TBCK: variants seen among roughly 807,000 people sequenced by gnomAD.
TBCK encodes the protein TBC domain-containing protein kinase-like protein.
Under a neutral mutation model 113.4 loss-of-function variants are expected in TBCK, and 99 were observed. That is an observed-to-expected ratio of 0.87 (90% CI 0.74 to 1.03). The LOEUF is 1.03. Among genes scored for constraint, TBCK ranks in the 50% least tolerant of loss-of-function variants. The pLI is 0.00. For missense variants in TBCK, 1,045 were observed against 1,061.3 expected (o/e 0.98, Z 0.21); for synonymous variants, 369 against 370.8 (o/e 1.00, Z 0.05).
chr4:106,227,396 C>G (rs1758359037), intron 19 of TBCK, among the ~76,000 whole-genome samples: 1 of 151,812 alleles, frequency 6.6e-6, no homozygotes, highest in Admixed American at 6.6e-5. Context: ...TATCCATATT[C>G]TGTTCCTCCT....
At chr4:106,110,733 T>C (rs1742747410) in intron 24 of TBCK, among the ~76,000 whole-genome samples, 1 of 152,112 alleles carries the variant, frequency 6.6e-6, no homozygotes, top group Admixed American at 6.5e-5. Context: ...GGTCCTACTC[T>C]ACACAGAAGA....
In TBCK at chr4:106,311,200, T is replaced by TACACACAC. The variant is rs36011277; in HGVS notation, c.-29-2219_-29-2212dup. ...GCTATTATATTCCTACAGAAACTCC[T>TACACACAC]ACACACACACACACACACACACACA... On this transcript the variant is annotated intron_variant, in intron 1 of 25. Transcript: ENST00000394708. Among the ~76,000 whole-genome samples, 76 of 138,288 alleles carry TACACACAC rather than the reference T, an allele frequency of 5.5e-4. 1 individual carries two copies. Among genetic ancestry groups the TACACACAC allele is most frequent in the Non-Finnish European group, 6.6e-4 (42 of 63,520 alleles). The allele number at this position is 138,288 out of a possible 152,430, so 90.7% of individuals were successfully genotyped here.
intron 23 of TBCK, among the ~76,000 whole-genome samples, chr4:106,117,043 G>A (rs1057445841): frequency 5.3e-5 from 8 of 151,998 alleles, no homozygotes; most frequent in Middle Eastern, 3.4e-3. Context: ...GTGCCAAAAC[G>A]GCTGGGGACC....
At chr4:106,249,004 T>C (rs774261727) in intron 7 of TBCK, 22 bp from the exon 8 acceptor site, 1 of 1,538,788 alleles carries the variant, frequency 6.5e-7, no homozygotes, top group South Asian at 1.2e-5. Context: ...AAAAACTATA[T>C]GAATAAATGC....
chr4:106,097,249 C>T (rs1438356656), intron 24 of TBCK, among the ~76,000 whole-genome samples: 1 of 152,066 alleles, frequency 6.6e-6, no homozygotes, highest in Non-Finnish European at 1.5e-5. Context: ...CAAAATGATT[C>T]CAAACCTTTT....
At chr4:106,210,496 CA>C (rs1199288728) in intron 20 of TBCK, among the ~76,000 whole-genome samples, 2 of 152,112 alleles carry the variant, frequency 1.3e-5, no homozygotes, top group Non-Finnish European at 2.9e-5. Context: ...AGGGTACAAT[CA>C]AATCTCAGAT....
chr4:106,255,904 G>T (rs1030823428), intron 5 of TBCK, among the ~76,000 whole-genome samples: 2 of 152,150 alleles, frequency 1.3e-5, no homozygotes, highest in East Asian at 1.9e-4. Flanking sequence ...CACTGGCAGG[G>T]TGTCCCAAGG....
intron 20 of TBCK, among the ~76,000 whole-genome samples, chr4:106,203,533 T>C (rs1755114853): frequency 6.6e-6 from 1 of 151,820 alleles, no homozygotes; most frequent in Non-Finnish European, 1.5e-5. Context: ...TTACAGGTCA[T>C]GATTTCTCTA....
chr4:106,067,588 T>A (rs1020380855), intron 25 of TBCK, among the ~76,000 whole-genome samples: 1 of 152,170 alleles, frequency 6.6e-6, no homozygotes, highest in Non-Finnish European at 1.5e-5. Context: ...GTTATGAAGA[T>A]TTATCTCCAC....
chr4:106,147,114 C>T (rs55833794), intron 23 of TBCK, among the ~76,000 whole-genome samples: 19,696 of 152,164 alleles, frequency 0.13, 1,611 homozygotes, highest in South Asian at 0.24. Flanking sequence ...TCTATTTCTA[C>T]CACATCTGCA....
chr4:106,207,625 T>C (rs2149869679), intron 20 of TBCK, among the ~76,000 whole-genome samples: 1 of 152,274 alleles, frequency 6.6e-6, no homozygotes, highest in East Asian at 1.9e-4. Context: ...GCCCCTCCCA[T>C]AAGTACTCAC....
chr4:106,114,191 T>C (rs1743217146), intron 24 of TBCK, among the ~76,000 whole-genome samples: 1 of 152,160 alleles, frequency 6.6e-6, no homozygotes, highest in Non-Finnish European at 1.5e-5. Context: ...GGGGGAGATG[T>C]AGGAGATCAG....
intron 25 of TBCK, among the ~76,000 whole-genome samples, chr4:106,092,792 G>A (rs1740452626): frequency 6.6e-6 from 1 of 152,230 alleles, no homozygotes; most frequent in Non-Finnish European, 1.5e-5. Flanking sequence ...CTCCCCGCAG[G>A]CTGAGGGAGC....
chr4:106,256,310 C>T (rs1032377042), intron 5 of TBCK, among the ~76,000 whole-genome samples: 36 of 152,160 alleles, frequency 2.4e-4, no homozygotes, highest in Non-Finnish European at 4.1e-4. Context: ...CCAGGCTATT[C>T]GTGCCACGGA....
At position 106,131,776 on chromosome 4, in the gene TBCK, G is replaced by A. The variant is rs189286306; in HGVS notation, c.2236-15398C>T. ...AGATGGAAAAAGGTGGGAAAGTTTGGAACTTCCTAGAGACTTATGAATGGC... is the reference window on the plus strand; with the variant it reads ...AGATGGAAAAAGGTGGGAAAGTTTGAAACTTCCTAGAGACTTATGAATGGC... On this transcript the variant is annotated intron_variant, in intron 23 of 25. Coordinates refer to ENST00000394708, the MANE Select transcript of TBCK (RefSeq NM_001163435.3). 3.8e-4 allele frequency among the ~76,000 whole-genome samples: 58 copies of A among 152,290 alleles called. No homozygotes were observed. The East Asian group carries it at 8.3e-3, about 22-fold the overall frequency.
In TBCK at chr4:106,206,706, T is replaced by A. The variant is rs751006628; in HGVS notation, c.1860+6044A>T. Among the ~76,000 whole-genome samples the A allele has an allele frequency of 2.0e-5, 3 of 152,188 alleles. No homozygotes were observed. In the South Asian group the frequency reaches 6.2e-4, roughly 31 times the overall value. ...AAAATTTATTTACGTAACAACATAA[T>A]GAAGATAAAGAACAAATGAAGGAAC... On this transcript the variant is annotated intron_variant, in intron 20 of 25. Coordinates refer to ENST00000394708, the MANE Select transcript of TBCK (RefSeq NM_001163435.3).
At chr4:106,235,814 T>C (rs1759395587) in intron 14 of TBCK, among the ~76,000 whole-genome samples, 1 of 152,084 alleles carries the variant, frequency 6.6e-6, no homozygotes, top group South Asian at 2.1e-4. Context: ...TTTATAAATT[T>C]GTGTCTTAGG....
chr4:106,267,612 G>T (rs1560938820), intron 3 of TBCK, among the ~76,000 whole-genome samples: 1 of 151,988 alleles, frequency 6.6e-6, no homozygotes, highest in African/African-American at 2.4e-5. Flanking sequence ...TAAATCTTGG[G>T]AAAGTAAGCT....
At chr4:106,184,497 T>A (rs1344648895) in intron 22 of TBCK, among the ~76,000 whole-genome samples, 1 of 151,980 alleles carries the variant, frequency 6.6e-6, no homozygotes, top group African/African-American at 2.4e-5. Context: ...TACCACTGGA[T>A]CATCTTTAAA....
Sources: allele counts gnomAD v4.1 joint callset (sites outside exome capture counted in the v4.1 genomes callset), GRCh38; gene constraint gnomAD v4.1.1; transcripts MANE v1.5; gene names NCBI Gene and HGNC (gene_info 2026-07-23, HGNC 2026-07-21).